CADM2: variants seen among roughly 807,000 people sequenced by gnomAD.
CADM2 encodes the protein cell adhesion molecule 2, also known as immunoglobulin superfamily member 4D.
Under a neutral mutation model 49.8 loss-of-function variants are expected in CADM2, and 12 were observed. That is an observed-to-expected ratio of 0.24 (90% CI 0.15 to 0.39). The LOEUF is 0.39. Ranked by LOEUF, CADM2 falls within the 10% of genes least tolerant of loss-of-function variation. The pLI is 1.00. For synonymous variants in CADM2, 214 were observed against 175.4 expected (o/e 1.22, Z -1.74); for missense variants, 378 against 492.3 (o/e 0.77, Z 2.20).
intron 1 of CADM2, among the ~76,000 whole-genome samples, chr3:85,426,315 G>A (rs1455207089): frequency 6.6e-6 from 1 of 151,686 alleles, no homozygotes; most frequent in Non-Finnish European, 1.5e-5. Flanking sequence ...CTTATTTTTT[G>A]TAGAGACGTT....
intron 1 of CADM2, among the ~76,000 whole-genome samples, chr3:85,013,343 C>G (rs1451563405): frequency 6.6e-6 from 1 of 151,822 alleles, no homozygotes; most frequent in South Asian, 2.1e-4. Context: ...TGATCTTCAC[C>G]TAGGCATTAA....
intron 8 of CADM2, among the ~76,000 whole-genome samples, chr3:86,043,814 T>G (rs1184582257): frequency 6.6e-6 from 1 of 152,152 alleles, no homozygotes; most frequent in South Asian, 2.1e-4. Flanking sequence ...CAAACTATAC[T>G]ACAAGGCTAC....
At chr3:85,864,986 T>G (rs1012281791) in intron 3 of CADM2, among the ~76,000 whole-genome samples, 9 of 152,182 alleles carry the variant, frequency 5.9e-5, no homozygotes, top group African/African-American at 2.2e-4. Flanking sequence ...CTTAACTCCC[T>G]GGGCTCCCAG....
At chr3:85,544,104 A>G (rs538629857) in intron 1 of CADM2, among the ~76,000 whole-genome samples, 76 of 152,340 alleles carry the variant, frequency 5.0e-4, no homozygotes, top group Middle Eastern at 3.4e-3. Flanking sequence ...TTTTTAAGAA[A>G]AAACTAATGT....
At chr3:85,769,886 T>C (rs17023296) in intron 2 of CADM2, among the ~76,000 whole-genome samples, 34,333 of 151,654 alleles carry the variant, frequency 0.23, 4,514 homozygotes, top group East Asian at 0.47. Context: ...AGCAACTAAG[T>C]TCATTTAGTG....
chr3:85,245,276 GC>G (rs2042619390), intron 1 of CADM2, among the ~76,000 whole-genome samples: 1 of 152,114 alleles, frequency 6.6e-6, no homozygotes, highest in Non-Finnish European at 1.5e-5. Context: ...ACTTTGGGAG[GC>G]CGAGGCGGGC....
chr3:85,449,147 T>C (rs2037630999), intron 1 of CADM2, among the ~76,000 whole-genome samples: 1 of 150,864 alleles, frequency 6.6e-6, no homozygotes, highest in Admixed American at 6.6e-5. Flanking sequence ...AATTTTTGTA[T>C]ATAAAGAGAT....
At chr3:85,430,685 GAAAC>G (rs1024485881) in intron 1 of CADM2, among the ~76,000 whole-genome samples, 1 of 114,564 alleles carries the variant, frequency 8.7e-6, no homozygotes, top group Non-Finnish European at 1.9e-5. Context: ...ACAGAGAAAA[GAAAC>G]AAAGAGGGGT....
chr3:85,883,434 A>G lies in CADM2; in HGVS notation c.382A>G (p.Thr128Ala), dbSNP rs1361541909. ...MPVKTSKAYL[T>A]VLGVPEKPQI... ...TGTCAAAACTTCCAAGGCATATCTC[A>G]CCGTTCTGGGTAAGTGCAAGGGACT... is the stretch of plus-strand genomic sequence containing the variant. The change falls in exon 4 of 10, where the codon ACC becomes GCC. Residue 128 changes from threonine (T) to alanine (A), a missense_variant. Transcript: ENST00000383699. 3.7e-6 allele frequency: 6 copies of G among 1,613,490 alleles called. No homozygotes were observed. The highest frequency in any genetic ancestry group is 5.1e-6 in the Non-Finnish European group (6 of 1,179,614).
At chr3:85,279,467 A>G (rs1306916068) in intron 1 of CADM2, among the ~76,000 whole-genome samples, 2 of 151,536 alleles carry the variant, frequency 1.3e-5, no homozygotes, top group African/African-American at 4.8e-5. Flanking sequence ...ATTATGGGAA[A>G]TTTTAGATAT....
chr3:85,342,278 G>A (rs1055570426), intron 1 of CADM2, among the ~76,000 whole-genome samples: 1 of 151,950 alleles, frequency 6.6e-6, no homozygotes, highest in African/African-American at 2.4e-5. Flanking sequence ...ATCATCACTG[G>A]CCATGAGAAA....
At chr3:85,534,531 A>T (rs1229150728) in intron 1 of CADM2, among the ~76,000 whole-genome samples, 1 of 152,168 alleles carries the variant, frequency 6.6e-6, no homozygotes, top group Non-Finnish European at 1.5e-5. Flanking sequence ...AATTATTGCA[A>T]CACAGTCACA....
At chr3:85,466,282 C>T (rs2038487006) in intron 1 of CADM2, among the ~76,000 whole-genome samples, 1 of 152,096 alleles carries the variant, frequency 6.6e-6, no homozygotes. Flanking sequence ...AATTTATCTT[C>T]CCCAATTTTA....
intron 1 of CADM2, among the ~76,000 whole-genome samples, chr3:85,225,200 C>T (rs1228737096): frequency 6.6e-6 from 1 of 152,104 alleles, no homozygotes; most frequent in African/African-American, 2.4e-5. Flanking sequence ...GCAGTATGGC[C>T]ATTTTCATGA....
At chr3:85,847,583 C>A (rs1471517025) in intron 3 of CADM2, among the ~76,000 whole-genome samples, 2 of 152,046 alleles carry the variant, frequency 1.3e-5, no homozygotes, top group African/African-American at 2.4e-5. Context: ...GCAAAAATAT[C>A]TCCTATCATT....
At chr3:86,047,540 T>A (rs1736822475) in intron 8 of CADM2, among the ~76,000 whole-genome samples, 1 of 152,158 alleles carries the variant, frequency 6.6e-6, no homozygotes, top group African/African-American at 2.4e-5. Context: ...TATCACTGCC[T>A]AGATTAGAGT....
intron 1 of CADM2, among the ~76,000 whole-genome samples, chr3:85,635,067 A>G (rs950418177): frequency 8.5e-5 from 13 of 152,074 alleles, no homozygotes; most frequent in Non-Finnish European, 1.3e-4. Flanking sequence ...TCACATATTA[A>G]AGGCTTAAAT....
chr3:85,784,189 T>C (rs968778137), intron 2 of CADM2, among the ~76,000 whole-genome samples: 1 of 152,232 alleles, frequency 6.6e-6, no homozygotes, highest in Non-Finnish European at 1.5e-5. Context: ...GCAGTTGTCC[T>C]CTGTATCTTT....
chr3:85,018,073 T>A lies in CADM2; in HGVS notation c.61+58405T>A, dbSNP rs7633802. On this transcript the variant is annotated intron_variant, in intron 1 of 9. Transcript: ENST00000383699. ...TTCTAGTTAGACAGAAATAGACATT[T>A]TCACTTAATGTGAACATGTGACCGT... is the stretch of plus-strand genomic sequence containing the variant. 6.1e-3 allele frequency among the ~76,000 whole-genome samples: 930 copies of A among 152,294 alleles called. 16 individuals are homozygous for A. The highest frequency in any genetic ancestry group is 0.021 in the African/African-American group (890 of 41,570).
Sources: gnomAD v4.1 joint callset for allele counts (sites outside exome capture counted in the v4.1 genomes callset) on GRCh38, gnomAD v4.1.1 for gene constraint, MANE v1.5 for transcripts, NCBI Gene and HGNC (gene_info 2026-07-23, HGNC 2026-07-21) for gene names.